The following CDK17 variants were observed in gnomAD, a reference collection of about 807,000 sequenced individuals.
The protein encoded by CDK17 is cyclin-dependent kinase 17.
Under a neutral mutation model 77.6 loss-of-function variants are expected in CDK17, and 24 were observed. The observed-to-expected ratio is 0.31, with a 90% CI of 0.22 to 0.44. CDK17 has a LOEUF of 0.44. Ranked by LOEUF, CDK17 falls within the 20% of genes least tolerant of loss-of-function variation. The pLI is 1.00. For missense variants in CDK17, 429 were observed against 622.5 expected, an observed-to-expected ratio of 0.69 and a Z score of 3.31; for synonymous variants, 203 against 210.4, an observed-to-expected ratio of 0.96 and a Z score of 0.30.
At chr12:96,390,925 A>G (rs767743274) in intron 1 of CDK17, among the ~76,000 whole-genome samples, 1 of 151,886 alleles carries the variant, frequency 6.6e-6, no homozygotes, top group Non-Finnish European at 1.5e-5. Flanking sequence ...CAACACTACT[A>G]AAAATACAAA....
intron 5 of CDK17, among the ~76,000 whole-genome samples, chr12:96,305,131 T>TAA (rs1333391489): frequency 3.3e-5 from 5 of 152,362 alleles, no homozygotes; most frequent in African/African-American, 1.2e-4. Context: ...ATATAGGCTT[T>TAA]GCCACTATTC....
intron 1 of CDK17, among the ~76,000 whole-genome samples, chr12:96,397,880 G>A (rs1954196738): frequency 6.6e-6 from 1 of 152,176 alleles, no homozygotes; most frequent in Non-Finnish European, 1.5e-5. Context: ...AGTAGGGTAA[G>A]GAGTCCATAA....
At chr12:96,331,449 A>T (rs1273461620) in intron 2 of CDK17, among the ~76,000 whole-genome samples, 2 of 151,946 alleles carry the variant, frequency 1.3e-5, no homozygotes, top group African/African-American at 4.8e-5. Flanking sequence ...AATGAACCAA[A>T]TTTGCAAACT....
intron 13 of CDK17, among the ~76,000 whole-genome samples, chr12:96,284,666 G>A (rs573032080): frequency 2.0e-5 from 3 of 150,606 alleles, no homozygotes; most frequent in South Asian, 4.2e-4. Flanking sequence ...CTGGGTTCAC[G>A]TGATTCTCCT....
At chr12:96,308,155 G>C (rs1952599729) in intron 5 of CDK17, among the ~76,000 whole-genome samples, 1 of 148,010 alleles carries the variant, frequency 6.8e-6, no homozygotes, top group Non-Finnish European at 1.5e-5. Context: ...AGCACTTCGG[G>C]AAACCAATGC....
chr12:96,381,096 A>G (rs1953870897), intron 1 of CDK17, among the ~76,000 whole-genome samples: 1 of 152,160 alleles, frequency 6.6e-6, no homozygotes. Context: ...ATCTTTGGTA[A>G]TAACACAAAT....
At chr12:96,327,776 TG>T (rs1182276308) in intron 2 of CDK17, among the ~76,000 whole-genome samples, 4 of 152,256 alleles carry the variant, frequency 2.6e-5, no homozygotes, top group African/African-American at 7.2e-5. Context: ...CTCAAACTCC[TG>T]GGCTCAAGTG....
At chr12:96,371,058 C>T (rs1015936339) in intron 1 of CDK17, among the ~76,000 whole-genome samples, 8 of 152,136 alleles carry the variant, frequency 5.3e-5, no homozygotes, top group East Asian at 1.9e-4. Flanking sequence ...TGGGTTTCAT[C>T]GTATTATAAA....
chr12:96,356,130 G>A (rs1433628320), intron 1 of CDK17, among the ~76,000 whole-genome samples: 2 of 152,110 alleles, frequency 1.3e-5, no homozygotes, highest in Non-Finnish European at 2.9e-5. Context: ...GTCTTGGGAG[G>A]TGTTATATCA....
intron 1 of CDK17, among the ~76,000 whole-genome samples, chr12:96,344,389 G>A (rs998048802): frequency 2.6e-5 from 4 of 152,150 alleles, no homozygotes; most frequent in African/African-American, 9.7e-5. Flanking sequence ...ACAATATTCA[G>A]ACACATTATA....
intron 11 of CDK17, 120 bp from the exon 12 acceptor site, chr12:96,286,881 G>GAAC (rs1366152611): frequency 1.5e-6 from 1 of 680,818 alleles, no homozygotes; most frequent in Non-Finnish European, 2.5e-6. Flanking sequence ...AAAACCTCTT[G>GAAC]AAGGGATATT....
intron 5 of CDK17, among the ~76,000 whole-genome samples, chr12:96,309,919 G>A (rs1486903986): frequency 6.6e-6 from 1 of 152,126 alleles, no homozygotes; most frequent in East Asian, 1.9e-4. Flanking sequence ...AACCACTCTG[G>A]AAAGCTGTTG....
chr12:96,295,328 A>G (rs1384559711), intron 9 of CDK17: 1 of 362,752 alleles, frequency 2.8e-6, no homozygotes, highest in African/African-American at 2.1e-5. Flanking sequence ...TGAAGCATCT[A>G]CCTATTTCTT....
chr12:96,358,933 G>A (rs561329785), intron 1 of CDK17, among the ~76,000 whole-genome samples: 4 of 141,036 alleles, frequency 2.8e-5, no homozygotes, highest in South Asian at 2.2e-4. Flanking sequence ...CTAGGTAACC[G>A]TATATTCTCA....
At chr12:96,377,768 AC>A (rs1423937955) in intron 1 of CDK17, among the ~76,000 whole-genome samples, 2 of 139,554 alleles carry the variant, frequency 1.4e-5, no homozygotes, top group African/African-American at 5.5e-5. Context: ...ATCTCGGCTC[AC>A]TGCAAGCTCC....
rs913524173 is a variant in CDK17, at chr12:96,298,045, C to G, written c.716-324G>C. Among the ~76,000 whole-genome samples the G allele has an allele frequency of 2.6e-5, 4 of 152,180 alleles. No homozygotes were observed. The South Asian group carries it at 8.3e-4, about 32-fold the overall frequency. ...GTGGCTCATGCCTGTAATCCCAGCA[C>G]TTTGGAAGGCCAAGGCGGGCGGATC... On this transcript the variant is annotated intron_variant, in intron 7 of 16. Transcript: ENST00000261211.
chr12:96,398,714 G>A lies in CDK17; in HGVS notation c.-30+1272C>T, dbSNP rs144732646. ...AGCATTTCCTGATAAGTGACTGAAG[G>A]TCTGGCTGCCAGGAATACACTTTGC... On this transcript the variant is annotated intron_variant, in intron 1 of 16. Transcript: ENST00000261211. 6.7e-3 allele frequency among the ~76,000 whole-genome samples: 1,019 copies of A among 152,316 alleles called. 46 individuals are homozygous for A. The highest frequency in any genetic ancestry group is 0.062 in the Admixed American group (955 of 15,294).
chr12:96,315,068 T>C (rs886594192), intron 3 of CDK17, among the ~76,000 whole-genome samples: 1 of 152,236 alleles, frequency 6.6e-6, no homozygotes, highest in African/African-American at 2.4e-5. Context: ...TAACAAGTAT[T>C]CAAGGGAACT....
At chr12:96,320,495 G>A (rs1274195420) in intron 3 of CDK17, among the ~76,000 whole-genome samples, 2 of 146,664 alleles carry the variant, frequency 1.4e-5, no homozygotes, top group African/African-American at 5.0e-5. Context: ...AGCCCGCATC[G>A]CCAAGTCAAT....
Sources: gnomAD v4.1 joint callset for allele counts (sites outside exome capture counted in the v4.1 genomes callset) on GRCh38, gnomAD v4.1.1 for gene constraint, MANE v1.5 for transcripts, NCBI Gene and HGNC (gene_info 2026-07-23, HGNC 2026-07-21) for gene names.